The following GUCY1A2 variants were observed in gnomAD, a reference collection of about 807,000 sequenced individuals.
GUCY1A2 encodes guanylate cyclase 1 soluble subunit alpha 2, also known as guanylate cyclase soluble subunit alpha-2.
GUCY1A2 carries 27 observed loss-of-function variants against 63.5 expected under a neutral mutation model. That is an observed-to-expected ratio of 0.43 (90% CI 0.31 to 0.59). The LOEUF (loss-of-function observed/expected upper bound fraction) is 0.59. Ranked by LOEUF, GUCY1A2 falls within the 20% of genes least tolerant of loss-of-function variation. The pLI is 0.11. For synonymous variants in GUCY1A2, 364 were observed against 343.5 expected (o/e 1.06, Z -0.66); for missense variants, 768 against 913.3 (o/e 0.84, Z 2.05).
intron 5 of GUCY1A2, among the ~76,000 whole-genome samples, chr11:106,807,422 C>T (rs1858704698): frequency 6.6e-6 from 1 of 151,936 alleles, no homozygotes; most frequent in South Asian, 2.1e-4. Context: ...CTTTTTTTAT[C>T]CTATACAGGA....
In GUCY1A2 at chr11:106,678,973, T is replaced by G; in HGVS notation, c.*8576A>C. 1 of 189,378 alleles carries G rather than the reference T, an allele frequency of 5.3e-6. No individual in the cohort carries two copies. 11.7% of individuals were successfully genotyped at this position (189,378 alleles called of 1,614,324 possible). A position where few individuals can be genotyped will look rare whatever the true frequency, so the allele number is the denominator to read the frequency against. Reference sequence around the variant, plus strand: ...GTGTTATCATCAGAGGATAAAACTCTAAGGAACCTAGAAACAACATTAATT... The same window carrying G: ...GTGTTATCATCAGAGGATAAAACTCGAAGGAACCTAGAAACAACATTAATT... On this transcript the variant is annotated 3_prime_UTR_variant, in exon 8 of 8. Transcript: ENST00000526355.
intron 4 of GUCY1A2, among the ~76,000 whole-genome samples, chr11:106,845,598 C>A (rs1047713384): frequency 1.3e-5 from 2 of 151,182 alleles, no homozygotes; most frequent in African/African-American, 4.8e-5. Flanking sequence ...TAACACTGTA[C>A]TTATTTCTTT....
intron 1 of GUCY1A2, among the ~76,000 whole-genome samples, chr11:106,997,235 A>T (rs1052920437): frequency 2.6e-5 from 4 of 152,176 alleles, no homozygotes; most frequent in African/African-American, 9.7e-5. Context: ...TTATGCATGT[A>T]ACTATTTATC....
intron 1 of GUCY1A2, among the ~76,000 whole-genome samples, chr11:107,017,551 C>T (rs1861840452): frequency 1.3e-5 from 2 of 152,218 alleles, no homozygotes; most frequent in Admixed American, 1.3e-4. Flanking sequence ...TTATTCCTTC[C>T]CAGTGCTGTA....
Position 106,683,086 on chromosome 11 carries a change from T to C in GUCY1A2, c.*4463A>G, listed in dbSNP as rs1862458561. The C allele has an allele frequency of 4.6e-6, 1 of 217,420 alleles. No individual in the cohort carries two copies. Among genetic ancestry groups the C allele is most frequent in the African/African-American group, 2.2e-5 (1 of 44,450 alleles). 13.5% of individuals were successfully genotyped at this position (217,420 alleles called of 1,614,324 possible). A position where few individuals can be genotyped will look rare whatever the true frequency, so the allele number is the denominator to read the frequency against. On this transcript the variant is annotated 3_prime_UTR_variant, in exon 8 of 8. Coordinates refer to ENST00000526355, the MANE Select transcript of GUCY1A2 (RefSeq NM_000855.3). ...TTTATGTGTATGTTAAACCAGCTGG[T>C]TGTGGTTTAGGAACATTCATATCAA...
At chr11:106,924,895 C>T (rs1860500692) in intron 4 of GUCY1A2, among the ~76,000 whole-genome samples, 1 of 151,984 alleles carries the variant, frequency 6.6e-6, no homozygotes, top group African/African-American at 2.4e-5. Flanking sequence ...GTTGCAGCTA[C>T]TGAGGAGCCT....
chr11:106,976,512 G>A (rs547409305), intron 3 of GUCY1A2, among the ~76,000 whole-genome samples: 2 of 152,170 alleles, frequency 1.3e-5, no homozygotes, highest in African/African-American at 4.8e-5. Flanking sequence ...GAATATGACC[G>A]CTAACGCTGT....
chr11:106,745,682 G>C (rs922299017), intron 6 of GUCY1A2, among the ~76,000 whole-genome samples: 23 of 152,146 alleles, frequency 1.5e-4, no homozygotes, highest in African/African-American at 5.6e-4. Context: ...TGTAATGACT[G>C]TCCTAAGATG....
intron 4 of GUCY1A2, among the ~76,000 whole-genome samples, chr11:106,900,574 C>CAT (rs1401887308): frequency 2.0e-5 from 3 of 152,094 alleles, no homozygotes; most frequent in African/African-American, 7.2e-5. Flanking sequence ...GAATAAGACT[C>CAT]GTGTGTTTCT....
chr11:106,764,691 C>G (rs950860629), intron 6 of GUCY1A2, among the ~76,000 whole-genome samples: 1 of 152,080 alleles, frequency 6.6e-6, no homozygotes, highest in Admixed American at 6.6e-5. Context: ...CTCACGCACT[C>G]TAGCTTGGCA....
rs1862518785 is a variant in GUCY1A2 at position 106,685,887 on chromosome 11, C to CAT, written c.*1660_*1661dup. On this transcript the variant is annotated 3_prime_UTR_variant, in exon 8 of 8. Coordinates refer to ENST00000526355, the MANE Select transcript of GUCY1A2 (RefSeq NM_000855.3). ...GGATCAGGATTATAACAAATATTTGCATATCTACAAATGCCTTCTAGCCAC... is the reference window on the plus strand; with the variant it reads ...GGATCAGGATTATAACAAATATTTGCATATATCTACAAATGCCTTCTAGCCAC... The CAT allele has an allele frequency of 4.4e-6, 1 of 225,786 alleles. No homozygotes were observed. The highest frequency in any genetic ancestry group is 2.2e-5 in the African/African-American group (1 of 44,890). The allele number at this position is 225,786 out of a possible 1,614,324, so 14.0% of individuals were successfully genotyped here. A position where few individuals can be genotyped will look rare whatever the true frequency, so the allele number is the denominator to read the frequency against.
intron 1 of GUCY1A2, among the ~76,000 whole-genome samples, chr11:107,016,389 A>C (rs1344791829): frequency 6.6e-6 from 1 of 152,242 alleles, no homozygotes; most frequent in Non-Finnish European, 1.5e-5. Flanking sequence ...GATTTCTTTA[A>C]AACAGAGCTC....
rs536099767 is a variant in GUCY1A2 at position 107,011,246 on chromosome 11, T to C, written c.303+6507A>G. On this transcript the variant is annotated intron_variant, in intron 1 of 7. Coordinates refer to ENST00000526355, the MANE Select transcript of GUCY1A2 (RefSeq NM_000855.3). ...AATCTCAAAAAAGAAAATTATACCT[T>C]CCTAGTAACTCATGATCAACAATGT... Among the ~76,000 whole-genome samples, 70 of 152,192 alleles carry C rather than the reference T, an allele frequency of 4.6e-4. 1 individual carries two copies. The South Asian group carries it at 0.014, about 31-fold the overall frequency.
chr11:106,829,698 G>C (rs10890603), intron 4 of GUCY1A2, among the ~76,000 whole-genome samples: 57,329 of 151,956 alleles, frequency 0.38, 10,904 homozygotes, highest in African/African-American at 0.41. Context: ...TACAGTGTTT[G>C]GTTGGGGTGA....
chr11:106,818,542 A>G (rs753753188), intron 4 of GUCY1A2, among the ~76,000 whole-genome samples: 12 of 152,150 alleles, frequency 7.9e-5, no homozygotes, highest in South Asian at 2.1e-4. Flanking sequence ...AATTAGACCA[A>G]TGAATAACAC....
chr11:106,709,212 T>C (rs1307928663), intron 6 of GUCY1A2, among the ~76,000 whole-genome samples: 1 of 117,816 alleles, frequency 8.5e-6, no homozygotes, highest in African/African-American at 3.2e-5. Context: ...TACATGTATA[T>C]TATATATAGT....
chr11:106,945,237 C>T (rs12574006), intron 3 of GUCY1A2, among the ~76,000 whole-genome samples: 35,392 of 151,118 alleles, frequency 0.23, 4,270 homozygotes, highest in African/African-American at 0.3. Flanking sequence ...TACTTTTCAT[C>T]TGCAACAATG....
intron 6 of GUCY1A2, chr11:106,746,495 C>G (rs1863789623): frequency 7.0e-6 from 6 of 859,026 alleles, no homozygotes; most frequent in Non-Finnish European, 7.5e-6. Flanking sequence ...AAGTAATAAC[C>G]AATATGCATA....
intron 1 of GUCY1A2, among the ~76,000 whole-genome samples, chr11:107,008,696 A>G (rs1861704982): frequency 6.6e-6 from 1 of 152,234 alleles, no homozygotes. Context: ...AAATCAAGGT[A>G]CAATACAATA....
Sources: allele counts gnomAD v4.1 joint callset (sites outside exome capture counted in the v4.1 genomes callset), GRCh38; gene constraint gnomAD v4.1.1; transcripts MANE v1.5; gene names NCBI Gene and HGNC (gene_info 2026-07-23, HGNC 2026-07-21).